The following CREB5 variants were observed in gnomAD, a reference collection of about 807,000 sequenced individuals.
CREB5 encodes the protein cyclic AMP-responsive element-binding protein 5.
Under a neutral mutation model 57.1 loss-of-function variants are expected in CREB5, and 19 were observed. The ratio of observed to expected loss-of-function variants is 0.33; its 90% CI spans 0.23 to 0.49. The LOEUF (loss-of-function observed/expected upper bound fraction) is 0.49, where lower values mean the gene tolerates loss of function less well. Ranked by LOEUF, CREB5 falls within the 20% of genes least tolerant of loss-of-function variation. The pLI, the probability that CREB5 is intolerant of heterozygous loss-of-function variation, is 0.99. For synonymous variants in CREB5, 238 were observed against 238.3 expected, an observed-to-expected ratio of 1.00 and a Z score of 0.01; for missense variants, 579 against 671.6, an observed-to-expected ratio of 0.86 and a Z score of 1.52.
Position 28,630,472 on chromosome 7 carries a change from A to G in CREB5, c.464+59935A>G, listed in dbSNP as rs73302830. Among the ~76,000 whole-genome samples, 805 of 152,284 alleles carry G rather than the reference A, an allele frequency of 5.3e-3. 5 individuals carry two copies. The highest frequency in any genetic ancestry group is 0.017 in the African/African-American group (725 of 41,552). On this transcript the variant is annotated intron_variant, in intron 5 of 10. Coordinates refer to ENST00000357727, the MANE Select transcript of CREB5 (RefSeq NM_182898.4). Reference sequence around the variant, plus strand: ...TCAAATCTGTGCTTTTTGGAAACCCATGAATACTTGAGACCGAGTGCTGAA... The same window carrying G: ...TCAAATCTGTGCTTTTTGGAAACCCGTGAATACTTGAGACCGAGTGCTGAA...
At chr7:28,461,920 G>A (rs369082238) in intron 1 of CREB5, among the ~76,000 whole-genome samples, 6 of 151,958 alleles carry the variant, frequency 3.9e-5, no homozygotes, top group South Asian at 2.1e-4. Flanking sequence ...TATAATTCAC[G>A]TATCATACAA....
rs542037118 is a variant in CREB5 at position 28,646,763 on chromosome 7, T to A, written c.465-71990T>A. On this transcript the variant is annotated intron_variant, in intron 5 of 10. Coordinates refer to ENST00000357727, the MANE Select transcript of CREB5 (RefSeq NM_182898.4). ...GTTTTTTTTAATGTTCTTACTTATTTGTTTGTGGACTAAATCCTTTTGCAA... is the reference window on the plus strand; with the variant it reads ...GTTTTTTTTAATGTTCTTACTTATTAGTTTGTGGACTAAATCCTTTTGCAA... Among the ~76,000 whole-genome samples the A allele has an allele frequency of 2.0e-5, 3 of 152,326 alleles. No individual in the cohort carries two copies. In the South Asian group the frequency reaches 6.2e-4, roughly 32 times the overall value.
intron 1 of CREB5, among the ~76,000 whole-genome samples, chr7:28,335,731 G>A (rs550355423): frequency 6.0e-4 from 91 of 152,160 alleles, no homozygotes; most frequent in African/African-American, 2.1e-3. Flanking sequence ...AGGACTTCCA[G>A]TACTATGTGG....
At chr7:28,303,990 CA>C (rs2127979361) in intron 1 of CREB5, among the ~76,000 whole-genome samples, 1 of 152,192 alleles carries the variant, frequency 6.6e-6, no homozygotes, top group South Asian at 2.1e-4. Flanking sequence ...CTCAAAAGAA[CA>C]GTTGCTTTTT....
intron 1 of CREB5, among the ~76,000 whole-genome samples, chr7:28,402,886 C>T (rs1201199640): frequency 6.6e-6 from 1 of 152,270 alleles, no homozygotes; most frequent in East Asian, 1.9e-4. Flanking sequence ...AGTGTATAGG[C>T]AATCTACAGC....
In CREB5 at chr7:28,561,013, T is replaced by C. The variant is rs78369320; in HGVS notation, c.292-9352T>C. Among the ~76,000 whole-genome samples the C allele has an allele frequency of 2.2e-3, 89 of 40,500 alleles. 4 individuals carry two copies. Among genetic ancestry groups the C allele is most frequent in the East Asian group, 0.013 (7 of 520 alleles). The allele number at this position is 40,500 out of a possible 152,430, so 26.6% of individuals were successfully genotyped here. A position where few individuals can be genotyped will look rare whatever the true frequency, so the allele number is the denominator to read the frequency against. On this transcript the variant is annotated intron_variant, in intron 4 of 10. Transcript: ENST00000357727. ...GTGTGTGCCTGCGTGTGCGTGTGTG[T>C]GTGCGTGTGTGCGTGTGTGTGTGTG...
At chr7:28,744,340 C>CTTTTTT (rs753167682) in intron 7 of CREB5, among the ~76,000 whole-genome samples, 4 of 88,826 alleles carry the variant, frequency 4.5e-5, no homozygotes, top group African/African-American at 1.8e-4. Context: ...TTTAGTACCT[C>CTTTTTT]TTTTTTTTTT....
At chr7:28,680,377 C>G (rs1469870361) in intron 5 of CREB5, among the ~76,000 whole-genome samples, 1 of 152,162 alleles carries the variant, frequency 6.6e-6, no homozygotes, top group Non-Finnish European at 1.5e-5. Flanking sequence ...TGTCTTGGCT[C>G]CACTCAACAC....
intron 5 of CREB5, among the ~76,000 whole-genome samples, chr7:28,654,865 AGAG>A (rs1799275562): frequency 6.6e-6 from 1 of 152,152 alleles, no homozygotes; most frequent in Non-Finnish European, 1.5e-5. Flanking sequence ...CCTTTGGAGC[AGAG>A]GAGAAGGGAA....
Position 28,803,778 on chromosome 7 carries a change from AT to A in CREB5, c.703-419del, listed in dbSNP as rs1345156146. ...CTCAAAAAAAAAAAAAAAAAAAAAA[AT>A]TAAATACAGTAGCACACCAGATGGA... On this transcript the variant is annotated intron_variant, in intron 7 of 10. Coordinates refer to ENST00000357727, the MANE Select transcript of CREB5 (RefSeq NM_182898.4). 5.5e-3 allele frequency among the ~76,000 whole-genome samples: 748 copies of A among 135,376 alleles called. 5 individuals are homozygous for A. The highest frequency in any genetic ancestry group is 0.021 in the African/African-American group (715 of 33,578). The allele number at this position is 135,376 out of a possible 152,430, so 88.8% of individuals were successfully genotyped here. A position where few individuals can be genotyped will look rare whatever the true frequency, so the allele number is the denominator to read the frequency against.
At chr7:28,324,277 C>T (rs902831587) in intron 1 of CREB5, among the ~76,000 whole-genome samples, 77 of 152,214 alleles carry the variant, frequency 5.1e-4, no homozygotes, top group African/African-American at 1.8e-3. Context: ...CAGAGCAAAC[C>T]TTCTTTAAGA....
chr7:28,798,531 A>G (rs542723054), intron 7 of CREB5, among the ~76,000 whole-genome samples: 1 of 152,354 alleles, frequency 6.6e-6, no homozygotes, highest in Admixed American at 6.5e-5. Flanking sequence ...GGGCTGGGCC[A>G]TGACAGCAGC....
At chr7:28,582,421 T>G (rs1462377112) in intron 5 of CREB5, among the ~76,000 whole-genome samples, 1 of 152,166 alleles carries the variant, frequency 6.6e-6, no homozygotes, top group Non-Finnish European at 1.5e-5. Flanking sequence ...TATCAGTTCT[T>G]AATGAGTTCC....
intron 1 of CREB5, among the ~76,000 whole-genome samples, chr7:28,366,653 T>C (rs1158366852): frequency 6.6e-6 from 1 of 152,232 alleles, no homozygotes; most frequent in Non-Finnish European, 1.5e-5. Context: ...GATCTAGCTC[T>C]TAACTACCAA....
intron 5 of CREB5, among the ~76,000 whole-genome samples, chr7:28,668,763 A>G (rs1799923623): frequency 6.6e-6 from 1 of 152,192 alleles, no homozygotes; most frequent in Non-Finnish European, 1.5e-5. Flanking sequence ...CTGTATTAGA[A>G]TCAGATCATA....
intron 9 of CREB5, among the ~76,000 whole-genome samples, chr7:28,816,249 G>A (rs1280396762): frequency 1.3e-5 from 2 of 152,150 alleles, no homozygotes; most frequent in Admixed American, 1.3e-4. Flanking sequence ...TTAGATAGGT[G>A]TAAAGTCAAA....
intron 1 of CREB5, among the ~76,000 whole-genome samples, chr7:28,440,799 G>A (rs950539143): frequency 4.6e-4 from 70 of 152,242 alleles, no homozygotes; most frequent in African/African-American, 1.6e-3. Context: ...GTCATCAGGT[G>A]GCGTGGAGTT....
chr7:28,500,890 G>A (rs974873317), intron 3 of CREB5, among the ~76,000 whole-genome samples: 3 of 151,990 alleles, frequency 2.0e-5, no homozygotes, highest in Admixed American at 1.3e-4. Flanking sequence ...GATAGTAAAG[G>A]TATATAGTAA....
At chr7:28,706,967 TG>T (rs1447508820) in intron 5 of CREB5, among the ~76,000 whole-genome samples, 3 of 152,188 alleles carry the variant, frequency 2.0e-5, no homozygotes, top group Admixed American at 6.5e-5. Flanking sequence ...AAGAAACCTC[TG>T]TGGGGCTCCT....
Sources: gnomAD v4.1 joint callset for allele counts (sites outside exome capture counted in the v4.1 genomes callset) on GRCh38, gnomAD v4.1.1 for gene constraint, MANE v1.5 for transcripts, NCBI Gene and HGNC (gene_info 2026-07-23, HGNC 2026-07-21) for gene names.